Variants in ENTREP2 observed in about 807,000 individuals in gnomAD.
The protein encoded by ENTREP2 is protein ENTREP2.
chr15:29,182,191 C>T, the ENTREP2 span, among the ~76,000 whole-genome samples: 1 of 151,130 alleles, frequency 6.6e-6, no homozygotes, highest in Non-Finnish European at 1.5e-5. Flanking sequence ...GTGGCGCTAT[C>T]TCAGCTCACT....
chr15:29,200,992 T>C, the ENTREP2 span, among the ~76,000 whole-genome samples: 2 of 152,256 alleles, frequency 1.3e-5, no homozygotes, highest in African/African-American at 4.8e-5. Flanking sequence ...TATGTATCTT[T>C]TTAAGCGATT....
the ENTREP2 span, among the ~76,000 whole-genome samples, chr15:29,300,402 G>T: frequency 6.8e-6 from 1 of 146,586 alleles, no homozygotes; most frequent in African/African-American, 2.5e-5. Context: ...TGGATAAATG[G>T]ATGGATGGAT....
the ENTREP2 span, among the ~76,000 whole-genome samples, chr15:29,458,461 C>T: frequency 3.9e-5 from 6 of 152,240 alleles, no homozygotes; most frequent in African/African-American, 1.4e-4. Context: ...GCCACGGGCA[C>T]GGTAGAGAAG....
the ENTREP2 span, among the ~76,000 whole-genome samples, chr15:29,604,954 A>G: frequency 6.6e-6 from 1 of 152,232 alleles, no homozygotes. Flanking sequence ...AGTGACATGC[A>G]CAGGTGACAC....
At chr15:29,448,829 T>C in the ENTREP2 span, among the ~76,000 whole-genome samples, 3 of 152,216 alleles carry the variant, frequency 2.0e-5, no homozygotes, top group African/African-American at 7.2e-5. Context: ...TCTTGTATTA[T>C]TTTAAATTAG....
At chr15:29,323,447 C>T in the ENTREP2 span, among the ~76,000 whole-genome samples, 4 of 152,126 alleles carry the variant, frequency 2.6e-5, no homozygotes, top group African/African-American at 9.7e-5. Context: ...GTACACCTTC[C>T]TCCTATCTTA....
the ENTREP2 span, among the ~76,000 whole-genome samples, chr15:29,357,725 G>A: frequency 6.6e-6 from 1 of 152,120 alleles, no homozygotes; most frequent in Non-Finnish European, 1.5e-5. Context: ...TGTAGTCCCA[G>A]CTACTCGGGA....
At chr15:29,489,864 C>G in the ENTREP2 span, among the ~76,000 whole-genome samples, 6,162 of 152,268 alleles carry the variant, frequency 0.04, 398 homozygotes, top group African/African-American at 0.14. Flanking sequence ...TGTGCTGACA[C>G]AGGTCTCGAG....
the ENTREP2 span, among the ~76,000 whole-genome samples, chr15:29,544,438 T>C: frequency 4.5e-4 from 65 of 144,156 alleles, 2 homozygotes; most frequent in African/African-American, 1.4e-3. Context: ...TGCACAGCCA[T>C]GTGAATGTAC....
the ENTREP2 span, among the ~76,000 whole-genome samples, chr15:29,649,298 TAA>T: frequency 5.9e-5 from 9 of 152,194 alleles, no homozygotes; most frequent in Non-Finnish European, 1.3e-4. Context: ...TGGCAGATAT[TAA>T]ACAAAGGAAG....
At chr15:29,224,342 T>A in the ENTREP2 span, among the ~76,000 whole-genome samples, 2 of 152,094 alleles carry the variant, frequency 1.3e-5, no homozygotes, top group African/African-American at 4.8e-5. Flanking sequence ...AGCAGCAACT[T>A]ATTGCAAACA....
At chr15:29,386,179 G>C in the ENTREP2 span, among the ~76,000 whole-genome samples, 7 of 152,176 alleles carry the variant, frequency 4.6e-5, no homozygotes, top group African/African-American at 1.7e-4. Context: ...GATACAGAAA[G>C]CCCTCTGTCC....
At chr15:29,138,347 T>G in the ENTREP2 span, among the ~76,000 whole-genome samples, 1 of 152,344 alleles carries the variant, frequency 6.6e-6, no homozygotes, top group Middle Eastern at 3.4e-3. Flanking sequence ...CACCTTCACA[T>G]CTCTGCTGCC....
chr15:29,317,540 T>C, the ENTREP2 span, among the ~76,000 whole-genome samples: 1 of 152,188 alleles, frequency 6.6e-6, no homozygotes, highest in Middle Eastern at 3.2e-3. Context: ...TTCAAGTTCA[T>C]CACATATGCA....
the ENTREP2 span, chr15:29,151,595 A>T: frequency 1.5e-6 from 1 of 645,918 alleles, no homozygotes; most frequent in Non-Finnish European, 2.8e-6. Flanking sequence ...TTGGTCTTCC[A>T]GAGGGCAACA....
chr15:29,532,027 A>C, the ENTREP2 span, among the ~76,000 whole-genome samples: 3 of 152,218 alleles, frequency 2.0e-5, no homozygotes, highest in African/African-American at 7.2e-5. Context: ...TTTTGTAGTA[A>C]GATCACTTAA....
chr15:29,536,082 TC>T, the ENTREP2 span, among the ~76,000 whole-genome samples: 26 of 152,224 alleles, frequency 1.7e-4, no homozygotes, highest in South Asian at 2.1e-3. Context: ...TGAATCTACC[TC>T]CCACTCTAAG....
At chr15:29,664,912 G>T in the ENTREP2 span, among the ~76,000 whole-genome samples, 40 of 152,300 alleles carry the variant, frequency 2.6e-4, 1 homozygote, top group African/African-American at 9.1e-4. Context: ...AGCAATCCTG[G>T]TGTGTCCCCA....
At chr15:29,209,932 T>A in the ENTREP2 span, among the ~76,000 whole-genome samples, 1 of 152,182 alleles carries the variant, frequency 6.6e-6, no homozygotes, top group African/African-American at 2.4e-5. Context: ...AAAAGTTGGA[T>A]GCAAAAGTGT....
Sources: allele counts gnomAD v4.1 joint callset (sites outside exome capture counted in the v4.1 genomes callset), GRCh38; gene constraint gnomAD v4.1.1; transcripts MANE v1.5; gene names NCBI Gene and HGNC (gene_info 2026-07-23, HGNC 2026-07-21).